Variants in CATSPERB observed in about 807,000 individuals in gnomAD.
CATSPERB encodes the protein cation channel sperm-associated auxiliary subunit beta.
In CATSPERB, 93 loss-of-function variants were observed where a neutral mutation model predicts 128.3. The ratio of observed to expected loss-of-function variants is 0.72; its 90% confidence interval spans 0.61 to 0.86. The LOEUF (loss-of-function observed/expected upper bound fraction) is 0.86. CATSPERB is among the 40% of genes least tolerant of loss of function. The pLI is 0.00. For missense variants in CATSPERB, 1,153 were observed against 1,329.5 expected (o/e 0.87, Z 2.06); for synonymous variants, 381 against 448.8 (o/e 0.85, Z 1.91).
chr14:91,712,430 A>G (rs1369706363), intron 5 of CATSPERB, among the ~76,000 whole-genome samples: 1 of 152,164 alleles, frequency 6.6e-6, no homozygotes, highest in Non-Finnish European at 1.5e-5. Context: ...TACTTACCCA[A>G]TTTTTGGTGA....
At chr14:91,701,210 C>A (rs571297484) in intron 7 of CATSPERB, among the ~76,000 whole-genome samples, 2 of 152,054 alleles carry the variant, frequency 1.3e-5, no homozygotes, top group South Asian at 2.1e-4. Context: ...TGCTGGCAAC[C>A]AAGAAAAGTT....
intron 20 of CATSPERB, 35 bp from the exon 21 acceptor site, chr14:91,610,712 G>A: frequency 6.3e-7 from 1 of 1,595,696 alleles, no homozygotes; most frequent in Non-Finnish European, 8.6e-7. Flanking sequence ...GTTATTTAAA[G>A]TAACTGTTAT....
intron 2 of CATSPERB, among the ~76,000 whole-genome samples, chr14:91,727,804 GGATTTAGAT>G (rs145254739): frequency 0.053 from 8,119 of 152,214 alleles, 275 homozygotes; most frequent in East Asian, 0.12. Context: ...GGGTTGAGCT[GGATTTAGAT>G]GTTATTTTAT....
chr14:91,683,958 A>G lies in CATSPERB; in HGVS notation c.865-15T>C, dbSNP rs1895330616. On this transcript the variant is annotated splice_polypyrimidine_tract_variant and intron_variant, in intron 10 of 26. Transcript: ENST00000256343. ...ACATAGTCAACCTACATAAATAAATAAAATATCACTTAGCCAATATGTAGA... is the reference window on the plus strand; with the variant it reads ...ACATAGTCAACCTACATAAATAAATGAAATATCACTTAGCCAATATGTAGA... 3 of 1,528,790 alleles carry G rather than the reference A, an allele frequency of 2.0e-6. No individual in the cohort carries two copies. Among genetic ancestry groups the G allele is most frequent in the Non-Finnish European group, 2.7e-6 (3 of 1,114,752 alleles). The allele number at this position is 1,528,790 out of a possible 1,614,324, so 94.7% of individuals were successfully genotyped here.
chr14:91,660,368 A>C (rs1338947283), intron 14 of CATSPERB, among the ~76,000 whole-genome samples: 1 of 152,218 alleles, frequency 6.6e-6, no homozygotes, highest in African/African-American at 2.4e-5. Flanking sequence ...TTGACATAAT[A>C]CTTCATGTTC....
At chr14:91,634,094 A>G (rs181499395) in intron 17 of CATSPERB, among the ~76,000 whole-genome samples, 1 of 152,216 alleles carries the variant, frequency 6.6e-6, no homozygotes, top group Admixed American at 6.5e-5. Flanking sequence ...CAAGTAGGCT[A>G]TTGTTGACTG....
intron 10 of CATSPERB, 68 bp downstream of exon 10, chr14:91,691,455 A>C (rs1895470284): frequency 4.3e-6 from 4 of 938,142 alleles, no homozygotes; most frequent in Non-Finnish European, 4.7e-6. Flanking sequence ...ATTGTCTTGC[A>C]TCTCATCTCA....
chr14:91,613,421 G>C (rs909867820), intron 20 of CATSPERB, among the ~76,000 whole-genome samples: 1 of 152,076 alleles, frequency 6.6e-6, no homozygotes. Flanking sequence ...GTCTAAAAGT[G>C]TATATACCAT....
intron 26 of CATSPERB, among the ~76,000 whole-genome samples, chr14:91,586,216 C>T (rs987410706): frequency 6.6e-6 from 1 of 152,104 alleles, no homozygotes; most frequent in Non-Finnish European, 1.5e-5. Context: ...TAGAGATGTC[C>T]CCCCATGCTT....
intron 17 of CATSPERB, among the ~76,000 whole-genome samples, chr14:91,630,133 C>A (rs796327559): frequency 1.8e-4 from 27 of 152,216 alleles, no homozygotes; most frequent in African/African-American, 4.6e-4. Context: ...TTACTCAAGT[C>A]TCTGCAGCAT....
intron 4 of CATSPERB, among the ~76,000 whole-genome samples, chr14:91,720,724 G>A (rs772086888): frequency 8.4e-4 from 128 of 152,142 alleles, no homozygotes; most frequent in South Asian, 1.0e-3. Context: ...GTAGAAATTG[G>A]CAAGCTTATC....
intron 25 of CATSPERB, 27 bp downstream of exon 25, chr14:91,587,951 C>A (rs760005876): frequency 9.2e-6 from 13 of 1,415,584 alleles, no homozygotes. Context: ...AAACTCAACA[C>A]AGTAAAAACA....
chr14:91,602,524 A>C (rs1330158233), intron 22 of CATSPERB, among the ~76,000 whole-genome samples: 1 of 152,178 alleles, frequency 6.6e-6, no homozygotes, highest in Non-Finnish European at 1.5e-5. Flanking sequence ...AATCCACGAG[A>C]GTACATAAGA....
intron 11 of CATSPERB, among the ~76,000 whole-genome samples, chr14:91,678,255 C>T (rs1895224758): frequency 6.6e-6 from 1 of 152,164 alleles, no homozygotes; most frequent in South Asian, 2.1e-4. Context: ...AAAAACAAAA[C>T]TGAACTGCCG....
At chr14:91,723,273 A>G (rs1896064940) in intron 3 of CATSPERB, 84 bp from the exon 4 acceptor site, 7 of 1,047,332 alleles carry the variant, frequency 6.7e-6, no homozygotes, top group Non-Finnish European at 8.9e-6. Context: ...GTGATTAGTA[A>G]TTCCAGTCTC....
intron 17 of CATSPERB, among the ~76,000 whole-genome samples, chr14:91,632,766 A>G (rs531901365): frequency 1.3e-4 from 20 of 152,200 alleles, no homozygotes; most frequent in African/African-American, 4.8e-4. Context: ...AGCATTCAGA[A>G]CACCCCAAAA....
chr14:91,642,774 A>C (rs1404560301), intron 15 of CATSPERB, among the ~76,000 whole-genome samples: 1 of 143,786 alleles, frequency 7.0e-6, no homozygotes, highest in Non-Finnish European at 1.5e-5. Flanking sequence ...GAATAGTTTC[A>C]GAAGGAATGG....
intron 14 of CATSPERB, among the ~76,000 whole-genome samples, chr14:91,667,472 A>G (rs1469320355): frequency 6.6e-6 from 1 of 152,372 alleles, no homozygotes; most frequent in East Asian, 1.9e-4. Context: ...TCAAGAAAAA[A>G]CAGCGTACCC....
intron 22 of CATSPERB, among the ~76,000 whole-genome samples, chr14:91,598,857 C>CAAAAA (rs377460093): frequency 1.0e-4 from 11 of 110,036 alleles, no homozygotes; most frequent in African/African-American, 2.5e-4. Flanking sequence ...GACTCTGTCT[C>CAAAAA]AAAAAAAAAA....
Sources: gnomAD v4.1 joint callset for allele counts (sites outside exome capture counted in the v4.1 genomes callset) on GRCh38, gnomAD v4.1.1 for gene constraint, MANE v1.5 for transcripts, NCBI Gene and HGNC (gene_info 2026-07-23, HGNC 2026-07-21) for gene names.